GSE1: variants seen among roughly 807,000 people sequenced by gnomAD.
GSE1 encodes the protein Gse1 coiled-coil protein, also known as genetic suppressor element 1.
In GSE1, 32 loss-of-function variants were observed where a neutral mutation model predicts 112.6. The ratio of observed to expected loss-of-function variants is 0.28; its 90% CI spans 0.21 to 0.38. The LOEUF is 0.38. GSE1 is among the 10% of genes least tolerant of loss of function. The pLI, the probability that GSE1 is intolerant of heterozygous loss-of-function variation, is 1.00. For missense variants in GSE1, 2,348 were observed against 1,699.2 expected (o/e 1.38, Z -6.71); for synonymous variants, 1,115 against 735.6 (o/e 1.52, Z -8.35).
chr16:85,645,119 C>T (rs1422042933), intron 2 of GSE1, among the ~76,000 whole-genome samples: 1 of 151,194 alleles, frequency 6.6e-6, no homozygotes, highest in African/African-American at 2.4e-5. Flanking sequence ...GCACAGTGCC[C>T]AGTCCCAGGT....
chr16:85,182,165 G>GC (rs2074600818), intron 1 of GSE1, among the ~76,000 whole-genome samples: 1 of 146,022 alleles, frequency 6.8e-6, no homozygotes, highest in South Asian at 2.4e-4. Flanking sequence ...CACCCTCCCC[G>GC]CCCCCCGCTG....
chr16:85,660,515 T>C (rs981652052), intron 8 of GSE1, among the ~76,000 whole-genome samples: 6 of 152,102 alleles, frequency 3.9e-5, no homozygotes, highest in African/African-American at 1.4e-4. Flanking sequence ...GGCACACGCC[T>C]GTAATCCCAG....
intron 2 of GSE1, among the ~76,000 whole-genome samples, chr16:85,446,471 A>C (rs1318194725): frequency 6.6e-6 from 1 of 152,012 alleles, no homozygotes; most frequent in African/African-American, 2.4e-5. Flanking sequence ...ATGTCCCCCC[A>C]CTCGGCATTG....
chr16:85,613,070 C>G, upstream of GSE1: 2 of 547,162 alleles, frequency 3.7e-6, no homozygotes, highest in Non-Finnish European at 5.7e-6. Context: ...GGGCGTGTGC[C>G]TGGGCGGGTG....
intron 1 of GSE1, among the ~76,000 whole-genome samples, chr16:85,199,211 C>T (rs4073234): frequency 0.18 from 27,251 of 152,122 alleles, 2,662 homozygotes; most frequent in Middle Eastern, 0.28. Context: ...CCCGCCTCGG[C>T]TTCTCAGAGT....
At chr16:85,672,194 C>A (rs1431048588) in intron 15 of GSE1, 3 of 568,612 alleles carry the variant, frequency 5.3e-6, no homozygotes, top group African/African-American at 1.9e-5. Context: ...GGGGTTTCCC[C>A]ATGTTGGCCA....
At chr16:85,538,827 C>T (rs1340674858) in intron 2 of GSE1, among the ~76,000 whole-genome samples, 1 of 152,204 alleles carries the variant, frequency 6.6e-6, no homozygotes, top group African/African-American at 2.4e-5. Flanking sequence ...GCTTTAACCT[C>T]CCTCTTGCCC....
At chr16:85,371,639 C>T (rs1158570207) in intron 2 of GSE1, among the ~76,000 whole-genome samples, 13 of 152,196 alleles carry the variant, frequency 8.5e-5, no homozygotes, top group Admixed American at 8.5e-4. Flanking sequence ...GCTGGCACCC[C>T]TATTGTACTG....
chr16:85,213,158 A>G (rs1171887235), intron 1 of GSE1, among the ~76,000 whole-genome samples: 2 of 151,730 alleles, frequency 1.3e-5, no homozygotes, highest in South Asian at 2.1e-4. Flanking sequence ...AGTCCCAGCT[A>G]TTTAGGAGGC....
Position 85,672,509 on chromosome 16 carries a change from T to G in GSE1, c.3624T>G (p.Pro1208=). The change falls in exon 16 of 16, where the codon CCT becomes CCG. Residue 1208 remains proline, a synonymous_variant. Coordinates refer to ENST00000253458, the MANE Select transcript of GSE1 (RefSeq NM_014615.5). ...TTGCCTTGCCTGCAATGCACTGGCC[T>G]AGGGGCTACCTGAAGGGATATCCCA... is the stretch of plus-strand genomic sequence containing the variant. ...KCLALPAMHW[P]RGYLKGYPR The G allele has an allele frequency of 6.2e-7, 1 of 1,611,630 alleles. No individual in the cohort carries two copies. The highest frequency in any genetic ancestry group is 1.1e-5 in the South Asian group (1 of 90,932).
At chr16:85,652,101 C>T (rs563823576) in intron 3 of GSE1, among the ~76,000 whole-genome samples, 1 of 152,366 alleles carries the variant, frequency 6.6e-6, no homozygotes, top group South Asian at 2.1e-4. Context: ...GGGCCCCCAC[C>T]CTGCTGGTGC....
At chr16:85,555,500 G>A (rs1241950208), upstream of GSE1, 2 of 984,974 alleles carry the variant, frequency 2.0e-6, no homozygotes, top group African/African-American at 3.5e-5. Flanking sequence ...TTATTTACGA[G>A]AAGAAATCTC....
intron 2 of GSE1, among the ~76,000 whole-genome samples, chr16:85,475,612 A>G (rs973084570): frequency 6.6e-6 from 1 of 152,148 alleles, no homozygotes; most frequent in Non-Finnish European, 1.5e-5. Context: ...GTGCCTGGGC[A>G]ATTCTGGGCC....
chr16:85,330,867 C>G (rs1310226426), intron 1 of GSE1, among the ~76,000 whole-genome samples: 5 of 152,134 alleles, frequency 3.3e-5, no homozygotes, highest in Non-Finnish European at 5.9e-5. Context: ...CTTGGGAAGT[C>G]TGAGTGTTTC....
At position 85,671,607 on chromosome 16, in the gene GSE1, ACT is replaced by A. The variant is rs201185233; in HGVS notation, c.3519+510_3519+511del. Reference sequence around the variant, plus strand: ...CCAGCCTGGTTGACAGAGCAAGACCACTGTCTCCTGAAGGGGTAAATTCAGAC... The same window carrying A: ...CCAGCCTGGTTGACAGAGCAAGACCAGTCTCCTGAAGGGGTAAATTCAGAC... On this transcript the variant is annotated intron_variant, in intron 15 of 15. Coordinates refer to ENST00000253458, the MANE Select transcript of GSE1 (RefSeq NM_014615.5). 5.1e-3 allele frequency among the ~76,000 whole-genome samples: 779 copies of A among 152,266 alleles called. 3 individuals carry two copies. Among genetic ancestry groups the A allele is most frequent in the Middle Eastern group, 0.031 (9 of 294 alleles).
intron 2 of GSE1, among the ~76,000 whole-genome samples, chr16:85,646,922 C>T (rs541077784): frequency 9.2e-5 from 14 of 152,124 alleles, no homozygotes; most frequent in Admixed American, 2.6e-4. Flanking sequence ...GGAAGCGAGG[C>T]TGGTGCCTGG....
At chr16:85,321,062 G>T (rs547393445) in intron 1 of GSE1, among the ~76,000 whole-genome samples, 17 of 152,150 alleles carry the variant, frequency 1.1e-4, no homozygotes, top group African/African-American at 4.1e-4. Context: ...TTAGTTTCCT[G>T]TGTACCCCTG....
chr16:85,246,200 T>TACACACAC (rs545313239), intron 1 of GSE1, among the ~76,000 whole-genome samples: 1,003 of 89,098 alleles, frequency 0.011, 43 homozygotes, highest in African/African-American at 0.036. Flanking sequence ...TCAGGGACCC[T>TACACACAC]ACACACACAC....
chr16:85,548,765 C>G (rs764397349), intron 2 of GSE1, among the ~76,000 whole-genome samples: 1 of 152,178 alleles, frequency 6.6e-6, no homozygotes, highest in East Asian at 1.9e-4. Flanking sequence ...TAGGCCCACC[C>G]TAATCATCCA....
Sources: gnomAD v4.1 joint callset for allele counts (sites outside exome capture counted in the v4.1 genomes callset) on GRCh38, gnomAD v4.1.1 for gene constraint, MANE v1.5 for transcripts, NCBI Gene and HGNC (gene_info 2026-07-23, HGNC 2026-07-21) for gene names.